RAB27B: variants seen among roughly 807,000 people sequenced by gnomAD.
RAB27B encodes the protein RAB27B, member RAS oncogene family, also known as ras-related protein Rab-27B.
Under a neutral mutation model 24.6 loss-of-function variants are expected in RAB27B, and 15 were observed. That is an observed-to-expected ratio of 0.61 (90% CI 0.41 to 0.94). The LOEUF is 0.94. Ranked by LOEUF, RAB27B falls within the 40% of genes least tolerant of loss-of-function variation. RAB27B has a pLI of 0.00. For missense variants in RAB27B, 261 were observed against 266.8 expected (o/e 0.98, Z 0.15); for synonymous variants, 105 against 92.5 (o/e 1.14, Z -0.78).
At position 54,735,452 on chromosome 18, in the gene RAB27B, G is replaced by T. The variant is rs541284550; in HGVS notation, c.-20+17311G>T. Among the ~76,000 whole-genome samples, 17 of 152,156 alleles carry T rather than the reference G, an allele frequency of 1.1e-4. No homozygotes were observed. In the East Asian group the frequency reaches 3.3e-3, roughly 29 times the overall value. ...GCTGTGCCTATCTAGACGATGCATG[G>T]GTGACCATGGCCCTTATATGATATT... On this transcript the variant is annotated intron_variant, in intron 2 of 4. Transcript: ENST00000586570.
intron 1 of RAB27B, among the ~76,000 whole-genome samples, chr18:54,836,738 C>A (rs1568088372): frequency 6.6e-6 from 1 of 151,898 alleles, no homozygotes; most frequent in Non-Finnish European, 1.5e-5. Flanking sequence ...AAACATAAAA[C>A]TGCTTTCTAA....
chr18:54,747,349 A>T (rs994208369), intron 2 of RAB27B, among the ~76,000 whole-genome samples: 1 of 152,198 alleles, frequency 6.6e-6, no homozygotes, highest in African/African-American at 2.4e-5. Flanking sequence ...GATTGTTAAT[A>T]TCTATGGCCT....
At chr18:54,775,889 G>C (rs963776035) in intron 2 of RAB27B, among the ~76,000 whole-genome samples, 2 of 152,162 alleles carry the variant, frequency 1.3e-5, no homozygotes, top group Non-Finnish European at 2.9e-5. Flanking sequence ...CCTACTGGGC[G>C]TCTAGGTGCC....
chr18:54,872,615 A>C (rs1912519719), intron 1 of RAB27B, among the ~76,000 whole-genome samples: 1 of 143,450 alleles, frequency 7.0e-6, no homozygotes, highest in Non-Finnish European at 1.5e-5. Flanking sequence ...AGAAGAGTGA[A>C]ACTCTGCCTT....
At chr18:54,806,764 A>G (rs1471355841) in intron 2 of RAB27B, among the ~76,000 whole-genome samples, 1 of 152,028 alleles carries the variant, frequency 6.6e-6, no homozygotes, top group East Asian at 1.9e-4. Flanking sequence ...AACAACTAGC[A>G]AGAAAAACAT....
At position 54,891,576 on chromosome 18, in the gene RAB27B, C is replaced by G. The variant is rs1913372102; in HGVS notation, c.*2163C>G. On this transcript the variant is annotated 3_prime_UTR_variant, in exon 6 of 6. Transcript: ENST00000262094. ...ATTATATCAATTTTTTCTTTGGATT[C>G]AAATTGTAATGTCCCCTGCATTTCC... 1 of 152,026 alleles carries G rather than the reference C, an allele frequency of 6.6e-6. No individual in the cohort carries two copies. Among genetic ancestry groups the G allele is most frequent in the Non-Finnish European group, 1.5e-5 (1 of 67,984 alleles). The allele number at this position is 152,026 out of a possible 1,614,324, so 9.4% of individuals were successfully genotyped here.
chr18:54,805,601 G>A (rs1236140121), intron 2 of RAB27B, among the ~76,000 whole-genome samples: 3 of 152,150 alleles, frequency 2.0e-5, no homozygotes, highest in African/African-American at 4.8e-5. Context: ...AAAAGACTAC[G>A]ATCCAGTAGT....
At chr18:54,866,270 C>T (rs1057166243) in intron 1 of RAB27B, among the ~76,000 whole-genome samples, 2 of 89,044 alleles carry the variant, frequency 2.2e-5, no homozygotes, top group Non-Finnish European at 5.3e-5. Flanking sequence ...TTCTCCTCCC[C>T]GCCTCCCCGC....
intron 3 of RAB27B, among the ~76,000 whole-genome samples, chr18:54,882,233 A>G (rs1912954594): frequency 1.3e-5 from 2 of 152,202 alleles, no homozygotes; most frequent in South Asian, 4.1e-4. Flanking sequence ...TATGAAAAGT[A>G]TCATTCTCTG....
chr18:54,801,162 G>A (rs558831233), intron 2 of RAB27B, among the ~76,000 whole-genome samples: 36 of 151,564 alleles, frequency 2.4e-4, no homozygotes, highest in Non-Finnish European at 3.4e-4. Flanking sequence ...ACAGGTGCAC[G>A]CCACCACACC....
intron 2 of RAB27B, among the ~76,000 whole-genome samples, chr18:54,815,300 G>A (rs997329880): frequency 3.3e-5 from 5 of 152,148 alleles, no homozygotes; most frequent in African/African-American, 1.2e-4. Flanking sequence ...AACTTGCAGA[G>A]GATCCTCCCC....
At chr18:54,745,419 G>C (rs1402699103) in intron 2 of RAB27B, 1 of 153,932 alleles carries the variant, frequency 6.5e-6, no homozygotes, top group African/African-American at 2.4e-5. Context: ...AGGGTAACTA[G>C]ACTGCTGCAT....
chr18:54,848,018 C>T (rs989296562), intron 1 of RAB27B, among the ~76,000 whole-genome samples: 21 of 152,256 alleles, frequency 1.4e-4, no homozygotes, highest in South Asian at 8.3e-4. Context: ...GTTCAGAAAA[C>T]GGAAGTGAGG....
intron 5 of RAB27B, 29 bp from the exon 6 acceptor site, chr18:54,889,189 CCTCTCA>C (rs759624307): frequency 7.7e-6 from 12 of 1,566,530 alleles, no homozygotes; most frequent in Non-Finnish European, 1.0e-5. Context: ...CTGATTTCTT[CCTCTCA>C]AAAATATTTG....
In RAB27B at chr18:54,812,975, C is replaced by A. The variant is rs905597287; in HGVS notation, c.-19-64592C>A. 2.0e-5 allele frequency among the ~76,000 whole-genome samples: 3 copies of A among 152,188 alleles called. No homozygotes were observed. The East Asian group carries it at 5.8e-4, about 29-fold the overall frequency. Reference sequence around the variant, plus strand: ...TAAAGAAGCATAGATTCTCTCTCACCCTCTGCAATTTTACCCCTTAGTTGA... The same window carrying A: ...TAAAGAAGCATAGATTCTCTCTCACACTCTGCAATTTTACCCCTTAGTTGA... On this transcript the variant is annotated intron_variant, in intron 2 of 4. Coordinates refer to the RAB27B transcript ENST00000586570.
At chr18:54,885,466 C>T (rs971056274) in intron 4 of RAB27B, among the ~76,000 whole-genome samples, 5 of 152,292 alleles carry the variant, frequency 3.3e-5, no homozygotes, top group Admixed American at 2.6e-4. Flanking sequence ...TTCAGCCAAA[C>T]TGCCTCACAT....
At chr18:54,757,947 T>G (rs1294070639) in intron 2 of RAB27B, among the ~76,000 whole-genome samples, 1 of 152,150 alleles carries the variant, frequency 6.6e-6, no homozygotes, top group Non-Finnish European at 1.5e-5. Context: ...TTTTTATTAG[T>G]AAATTATCTG....
At chr18:54,760,841 T>C (rs377251749) in intron 2 of RAB27B, among the ~76,000 whole-genome samples, 1 of 152,074 alleles carries the variant, frequency 6.6e-6, no homozygotes, top group Non-Finnish European at 1.5e-5. Flanking sequence ...GATTCTCTCA[T>C]GGAAGGGAGA....
intron 3 of RAB27B, among the ~76,000 whole-genome samples, 193 bp from the exon 4 acceptor site, chr18:54,884,139 TA>T (rs368704311): frequency 1.3e-4 from 19 of 147,400 alleles, no homozygotes; most frequent in South Asian, 2.2e-4. Flanking sequence ...GAAGTGGTCT[TA>T]AAAAAAAAAA....
Sources: allele counts gnomAD v4.1 joint callset (sites outside exome capture counted in the v4.1 genomes callset), GRCh38; gene constraint gnomAD v4.1.1; transcripts MANE v1.5; gene names NCBI Gene and HGNC (gene_info 2026-07-23, HGNC 2026-07-21).